The following PRKCH variants were observed in gnomAD, a reference collection of about 807,000 sequenced individuals.
The protein encoded by PRKCH is protein kinase C eta.
Under a neutral mutation model 82.5 loss-of-function variants are expected in PRKCH, and 28 were observed. That is an observed-to-expected ratio of 0.34 (90% CI 0.25 to 0.47). The LOEUF is 0.47. Ranked by LOEUF, PRKCH falls within the 20% of genes least tolerant of loss-of-function variation. The pLI, the probability that PRKCH is intolerant of heterozygous loss-of-function variation, is 1.00. For synonymous variants in PRKCH, 322 were observed against 327.4 expected (o/e 0.98, Z 0.18); for missense variants, 705 against 881.8 (o/e 0.80, Z 2.54).
At chr14:61,383,637 C>T (rs1207854465) in intron 1 of PRKCH, among the ~76,000 whole-genome samples, 1 of 151,764 alleles carries the variant, frequency 6.6e-6, no homozygotes, top group East Asian at 1.9e-4. Flanking sequence ...TCTGGGGAGT[C>T]TTGAGTACCT....
chr14:61,527,552 C>G (rs2042983043), intron 10 of PRKCH, among the ~76,000 whole-genome samples: 1 of 152,164 alleles, frequency 6.6e-6, no homozygotes, highest in Admixed American at 6.5e-5. Flanking sequence ...ACATCTCTTC[C>G]CTGGACGGTT....
intron 1 of PRKCH, among the ~76,000 whole-genome samples, chr14:61,328,298 C>A (rs1012562296): frequency 1.1e-4 from 16 of 147,512 alleles, no homozygotes; most frequent in Non-Finnish European, 1.5e-5. Context: ...CTGGGCCTGA[C>A]TGCTATATTC....
intron 1 of PRKCH, among the ~76,000 whole-genome samples, chr14:61,224,683 C>A (rs904878570): frequency 2.0e-5 from 3 of 152,158 alleles, no homozygotes; most frequent in Non-Finnish European, 4.4e-5. Context: ...ATCCGGAGAT[C>A]CATGTGTCCA....
At chr14:61,488,849 A>G (rs1886337124) in intron 10 of PRKCH, among the ~76,000 whole-genome samples, 2 of 152,112 alleles carry the variant, frequency 1.3e-5, no homozygotes, top group Non-Finnish European at 2.9e-5. Context: ...GACAAATTTT[A>G]TTTCAATTCA....
intron 2 of PRKCH, among the ~76,000 whole-genome samples, chr14:61,416,053 C>CTTTTTTTTTTTTTTTTTTTTTTTT (rs71117815): frequency 3.6e-4 from 34 of 94,148 alleles, no homozygotes; most frequent in East Asian, 6.5e-4. Flanking sequence ...CTTTTCTTTT[C>CTTTTTTTTTTTTTTTTTTTTTTTT]TTTTTTTTTT....
At chr14:61,209,697 TTGTTA>T (rs1334111690) in intron 1 of PRKCH, among the ~76,000 whole-genome samples, 1 of 152,154 alleles carries the variant, frequency 6.6e-6, no homozygotes, top group African/African-American at 2.4e-5. Flanking sequence ...TGCAGGGGAT[TTGTTA>T]CATGGGTATA....
intron 9 of PRKCH, 70 bp downstream of exon 9, chr14:61,457,749 A>G: frequency 6.4e-7 from 1 of 1,557,738 alleles, no homozygotes; most frequent in African/African-American, 1.4e-5. Context: ...AAGATACTGG[A>G]GATTTCATAA....
At chr14:61,239,545 T>G (rs908667661) in intron 1 of PRKCH, among the ~76,000 whole-genome samples, 1 of 152,212 alleles carries the variant, frequency 6.6e-6, no homozygotes, top group African/African-American at 2.4e-5. Context: ...CCAGCTCTCT[T>G]CCTGCTTCTG....
At chr14:61,518,377 G>A (rs17098676) in intron 10 of PRKCH, among the ~76,000 whole-genome samples, 5,969 of 151,592 alleles carry the variant, frequency 0.039, 369 homozygotes, top group African/African-American at 0.14. Flanking sequence ...AATTTGCACC[G>A]CTTCAGCCAG....
intron 10 of PRKCH, among the ~76,000 whole-genome samples, chr14:61,511,783 G>C (rs1450457650): frequency 2.0e-5 from 3 of 152,168 alleles, no homozygotes; most frequent in Non-Finnish European, 4.4e-5. Flanking sequence ...AGGAGAGATA[G>C]CACCACCTTT....
At chr14:61,231,336 C>T (rs2140059442) in intron 1 of PRKCH, among the ~76,000 whole-genome samples, 1 of 150,474 alleles carries the variant, frequency 6.6e-6, no homozygotes, top group Middle Eastern at 3.5e-3. Flanking sequence ...CTGATCAATA[C>T]ATTTAAGAAT....
chr14:61,341,572 A>G (rs1294615478), intron 1 of PRKCH, among the ~76,000 whole-genome samples: 1 of 152,164 alleles, frequency 6.6e-6, no homozygotes, highest in African/African-American at 2.4e-5. Context: ...GGGAGGCAGC[A>G]GAAACCCACA....
chr14:61,493,842 C>G (rs1235998194), intron 10 of PRKCH, among the ~76,000 whole-genome samples: 1 of 151,562 alleles, frequency 6.6e-6, no homozygotes, highest in Non-Finnish European at 1.5e-5. Flanking sequence ...TGAACTAAGA[C>G]AGTGATGGTA....
rs1340725265 is a variant in PRKCH, at chr14:61,528,923, GTTCC to G, written c.1434-149_1434-146del. On this transcript the variant is annotated intron_variant, in intron 10 of 13. Transcript: ENST00000332981. ...TCATCCAGATAGCACAGAGAAGTTTGTTCCTTTTGACGTGTGTACAGGAAGCTCA... is the reference window on the plus strand; with the variant it reads ...TCATCCAGATAGCACAGAGAAGTTTGTTTTGACGTGTGTACAGGAAGCTCA... 4 of 680,530 alleles carry G rather than the reference GTTCC, an allele frequency of 5.9e-6. No individual in the cohort carries two copies. In the East Asian group the frequency reaches 1.3e-4, roughly 22 times the overall value. 42.2% of individuals were successfully genotyped at this position (680,530 alleles called of 1,614,324 possible). A position where few individuals can be genotyped will look rare whatever the true frequency, so the allele number is the denominator to read the frequency against.
At chr14:61,261,363 G>A (rs2045042429) in intron 1 of PRKCH, among the ~76,000 whole-genome samples, 1 of 152,184 alleles carries the variant, frequency 6.6e-6, no homozygotes, top group African/African-American at 2.4e-5. Flanking sequence ...TCTGGGAATT[G>A]GGCAGGCATT....
chr14:61,253,042 GC>G (rs1281832352), intron 1 of PRKCH, among the ~76,000 whole-genome samples: 1 of 152,312 alleles, frequency 6.6e-6, no homozygotes, highest in African/African-American at 2.4e-5. Flanking sequence ...TTACAGTGGT[GC>G]TTTTGGAGGA....
At chr14:61,356,400 G>A (rs1011111703) in intron 1 of PRKCH, among the ~76,000 whole-genome samples, 3 of 152,076 alleles carry the variant, frequency 2.0e-5, no homozygotes, top group African/African-American at 4.8e-5. Context: ...GGACTCTATC[G>A]GTTAGAATCC....
Position 61,322,173 on chromosome 14 carries a change from C to T in PRKCH, c.72C>T (p.Pro24=). 6.2e-7 allele frequency: 1 copy of T among 1,610,544 alleles called. No homozygotes were observed. The highest frequency in any genetic ancestry group is 1.1e-5 in the South Asian group (1 of 90,522). The change falls in exon 1 of 14, where the codon CCC becomes CCT. Residue 24 remains proline, a synonymous_variant. Transcript: ENST00000332981. ...TCGGTGAGGCAGTGGGGCTGCAGCC[C>T]ACCCGCTGGTCCCTGCGCCACTCGC... is the stretch of plus-strand genomic sequence containing the variant. ...VRIGEAVGLQ[P]TRWSLRHSLF...
intron 12 of PRKCH, among the ~76,000 whole-genome samples, chr14:61,533,826 G>T (rs1299271714): frequency 6.6e-6 from 1 of 152,196 alleles, no homozygotes. Flanking sequence ...TGCATGAAAT[G>T]ATTTTTTTAC....
Sources: allele counts gnomAD v4.1 joint callset (sites outside exome capture counted in the v4.1 genomes callset), GRCh38; gene constraint gnomAD v4.1.1; transcripts MANE v1.5; gene names NCBI Gene and HGNC (gene_info 2026-07-23, HGNC 2026-07-21).